ENGASE: variants seen among roughly 807,000 people sequenced by gnomAD.
ENGASE encodes endo-beta-N-acetylglucosaminidase.
In ENGASE, 69 loss-of-function variants were observed where a neutral mutation model predicts 78.5. The ratio of observed to expected loss-of-function variants is 0.88; its 90% CI spans 0.72 to 1.07. The LOEUF (loss-of-function observed/expected upper bound fraction) is 1.07. ENGASE is among the 50% of genes least tolerant of loss of function. The pLI is 0.00. For synonymous variants in ENGASE, 408 were observed against 408.9 expected (o/e 1.00, Z 0.03); for missense variants, 943 against 988.4 (o/e 0.95, Z 0.62).
At chr17:79,075,998 C>G in intron 1 of ENGASE, 1 of 642,242 alleles carries the variant, frequency 1.6e-6, no homozygotes, top group Non-Finnish European at 1.9e-6. Context: ...TGGAGAGGAA[C>G]AACTGCGGCA....
chr17:79,082,899 T>C, intron 7 of ENGASE, 121 bp from the exon 8 acceptor site: 1 of 1,572,850 alleles, frequency 6.4e-7, no homozygotes, highest in Non-Finnish European at 8.6e-7. Flanking sequence ...AGGGAGGGGT[T>C]GGACAGCTTC....
chr17:79,082,751 CG>C, intron 7 of ENGASE: 1 of 1,440,912 alleles, frequency 6.9e-7, no homozygotes. Context: ...ACAATGGGAC[CG>C]CGCAGCCACA....
intron 3 of ENGASE, 49 bp from the exon 4 acceptor site, chr17:79,079,440 A>G: frequency 1.3e-6 from 2 of 1,587,492 alleles, no homozygotes; most frequent in South Asian, 1.1e-5. Context: ...AGTGCTGGGA[A>G]TAAAGGCATG....
chr17:79,084,040 C>A, intron 10 of ENGASE, 89 bp downstream of exon 10: 1 of 1,195,844 alleles, frequency 8.4e-7, no homozygotes, highest in South Asian at 1.4e-5. Context: ...CAGTGGAGGC[C>A]AGAACAAGGA....
chr17:79,075,150 G>T, intron 1 of ENGASE, 60 bp downstream of exon 1: 1 of 1,196,774 alleles, frequency 8.4e-7, no homozygotes, highest in South Asian at 4.2e-5. Context: ...GTGGCCCCGG[G>T]GCCCGAGGTT....
Position 79,086,846 on chromosome 17 carries a change from G to T in ENGASE, c.*497G>T, listed in dbSNP as rs554414795. 43 of 434,028 alleles carry T rather than the reference G, an allele frequency of 9.9e-5. No individual in the cohort carries two copies. The highest frequency in any genetic ancestry group is 6.7e-4 in the South Asian group (42 of 62,284). The allele number at this position is 434,028 out of a possible 1,614,324, so 26.9% of individuals were successfully genotyped here. ...AGCAGCTCCTGGGGTGGGGCTGCCT[G>T]CGGGATGGCGGGAGAGGATGCCCTG... On this transcript the variant is annotated 3_prime_UTR_variant, in exon 14 of 14. Transcript: ENST00000579016.
chr17:79,078,460 G>A lies in ENGASE; in HGVS notation c.416+596G>A, dbSNP rs914032106. Among the ~76,000 whole-genome samples the A allele has an allele frequency of 2.0e-5, 3 of 152,180 alleles. No homozygotes were observed. In the South Asian group the frequency reaches 6.2e-4, roughly 31 times the overall value. On this transcript the variant is annotated intron_variant, in intron 3 of 13. Transcript: ENST00000579016. ...TTGAAGGCTGGTAGTAGATTGGAGG[G>A]AGCACAGCAGGCAGGGGGTCCTCTT... is the stretch of plus-strand genomic sequence containing the variant.
chr17:79,080,343 C>A lies in ENGASE; in HGVS notation c.702C>A (p.Ile234=). 1 of 1,613,624 alleles carries A rather than the reference C, an allele frequency of 6.2e-7. No individual in the cohort carries two copies. Among genetic ancestry groups the A allele is most frequent in the South Asian group, 1.1e-5 (1 of 91,074 alleles). The change falls in exon 5 of 14, where the codon ATC becomes ATA. Residue 234 remains isoleucine, a synonymous_variant. Transcript: ENST00000579016. ...TTTTTCGTTTTGATGGCTGGCTGAT[C>A]AACATCGAGAACTCGCTGAGTGTGA... ...TQFFRFDGWL[I]NIENSLSLAA...
In ENGASE at chr17:79,083,890, G is replaced by C; in HGVS notation, c.1381G>C (p.Gly461Arg). The C allele has an allele frequency of 1.2e-6, 2 of 1,612,300 alleles. No homozygotes were observed. The highest frequency in any genetic ancestry group is 1.7e-6 in the Non-Finnish European group (2 of 1,179,862). Residue 461 changes from glycine (G) to arginine (R), a missense_variant, in exon 10 of 14, where the codon GGA becomes CGA. Coordinates refer to ENST00000579016, the MANE Select transcript of ENGASE (RefSeq NM_001042573.3). This position sits in a 1 kb window ranked among gnomAD's most constrained non-coding sequence, Gnocchi z 4.9. ...CTGCTGCCTGGAGGATGCCTGGCAC[G>C]GAGGCAGCTCCCTGCTCGTCCGGGG... ...THCCLEDAWH[G>R]GSSLLVRGVI...
chr17:79,082,854 G>C (rs993901895), intron 7 of ENGASE, 166 bp from the exon 8 acceptor site: 13 of 1,558,242 alleles, frequency 8.3e-6, no homozygotes, highest in Non-Finnish European at 1.0e-5. Flanking sequence ...TGGAACGACG[G>C]GGGTGATGCC....
intron 12 of ENGASE, 48 bp from the exon 13 acceptor site, chr17:79,085,572 G>A (rs370687842): frequency 1.1e-5 from 17 of 1,605,596 alleles, no homozygotes; most frequent in Admixed American, 3.4e-5. Context: ...GCTCACCCTG[G>A]AGCCTCTGGG....
At position 79,083,579 on chromosome 17, in the gene ENGASE, T is replaced by C; in HGVS notation, c.1240T>C (p.Cys414Arg). Residue 414 changes from cysteine (C) to arginine (R), a missense_variant, in exon 9 of 14, where the codon TGC (cysteine) becomes CGC (arginine). Coordinates refer to ENST00000579016, the MANE Select transcript of ENGASE (RefSeq NM_001042573.3). The surrounding 1 kb of genome is among the most constrained non-coding windows in gnomAD (Gnocchi z 4.9). ...FCLGMGARRV[C>R]YGQEEAVGPW... ...CCTGGGCATGGGTGCACGGAGGGTC[T>C]GCTATGGCCAGGTGGGTGGGTGTCT... is the stretch of plus-strand genomic sequence containing the variant. 6.2e-7 allele frequency: 1 copy of C among 1,613,920 alleles called. No individual in the cohort carries two copies. Among genetic ancestry groups the C allele is most frequent in the Non-Finnish European group, 8.5e-7 (1 of 1,179,796 alleles).
chr17:79,078,199 G>T (rs936802665), intron 3 of ENGASE, among the ~76,000 whole-genome samples: 1 of 152,148 alleles, frequency 6.6e-6, no homozygotes, highest in Non-Finnish European at 1.5e-5. Flanking sequence ...AATTAGCCAG[G>T]CATGGTGGCA....
chr17:79,084,143 C>T (rs2073224867), intron 10 of ENGASE, 192 bp downstream of exon 10: 1 of 598,190 alleles, frequency 1.7e-6, no homozygotes, highest in South Asian at 2.2e-5. Context: ...GTGAACGGTA[C>T]AGGAGTGTTA....
chr17:79,082,313 C>T (rs893075000), intron 7 of ENGASE: 53 of 1,395,806 alleles, frequency 3.8e-5, no homozygotes, highest in Admixed American at 1.2e-4. Flanking sequence ...CAGACAGAGG[C>T]GCGTCGTTCC....
rs772366057 is a variant in ENGASE at position 79,085,253 on chromosome 17, C to T, written c.1611C>T (p.His537=). The T allele has an allele frequency of 5.0e-6, 8 of 1,613,492 alleles. No homozygotes were observed. In the Admixed American group the frequency reaches 8.3e-5, roughly 17 times the overall value. The change falls in exon 12 of 14, where the codon CAC becomes CAT. Residue 537 remains histidine (H), a synonymous_variant. Transcript: ENST00000579016. The part of the protein sequence containing the change: ...SVLNAETSSR[H]SLRPLRVPPT... ...CTGCAGCAGAAACAAGCTCAAGACA[C>T]AGCCTCCGACCCCTCCGGGTGCCCC...
At chr17:79,085,368 C>T (rs772974813) in intron 12 of ENGASE, 26 bp downstream of exon 12, 16 of 1,551,226 alleles carry the variant, frequency 1.0e-5, no homozygotes, top group Middle Eastern at 3.4e-4. Flanking sequence ...TCTTCACGTC[C>T]TTCTCCCTCA....
chr17:79,083,868 C>CTGCCTGGAGGA lies in ENGASE; in HGVS notation c.1367_1377dup (p.His460ArgfsTer15). 6.2e-7 allele frequency: 1 copy of CTGCCTGGAGGA among 1,612,604 alleles called. No homozygotes were observed. The highest frequency in any genetic ancestry group is 8.5e-7 in the Non-Finnish European group (1 of 1,179,828). On this transcript the variant is annotated frameshift_variant, in exon 10 of 14. Coordinates refer to ENST00000579016, the MANE Select transcript of ENGASE (RefSeq NM_001042573.3). LOFTEE classifies it high-confidence loss of function. This position sits in a 1 kb window ranked among gnomAD's most constrained non-coding sequence, Gnocchi z 4.9. ...GCCGGGGCTGGGTGAGGACGCACTG[C>CTGCCTGGAGGA]TGCCTGGAGGATGCCTGGCACGGAG...
rs58652925 is a variant in ENGASE at position 79,081,088 on chromosome 17, A to G, written c.872+15A>G. On this transcript the variant is annotated intron_variant, in intron 6 of 13. Transcript: ENST00000579016. The stretch of plus-strand genomic sequence containing the variant: ...CAGCACAACAGGTGAGCCTGCAGAC[A>G]GGTGCTGTGAGGGGGCAGGTGCCGT... The G allele has an allele frequency of 7.7e-3, 9,509 of 1,240,328 alleles. 491 individuals carry two copies. The African/African-American group carries it at 0.14, about 18-fold the overall frequency. 76.8% of individuals were successfully genotyped at this position (1,240,328 alleles called of 1,614,324 possible).
Sources: gnomAD v4.1 joint callset for allele counts (sites outside exome capture counted in the v4.1 genomes callset) on GRCh38, gnomAD v4.1.1 for gene constraint, Gnocchi (gnomAD v3.1) non-coding constraint, MANE v1.5 for transcripts, NCBI Gene and HGNC (gene_info 2026-07-23, HGNC 2026-07-21) for gene names.